The following CDCA7 variants were observed in gnomAD, a reference collection of about 807,000 sequenced individuals.
CDCA7 encodes cell division cycle associated 7.
A neutral mutation model predicts 54.0 loss-of-function variants in CDCA7; 28 were observed. The observed-to-expected ratio is 0.52, with a 90% confidence interval of 0.38 to 0.71. CDCA7 has a LOEUF of 0.71. CDCA7 is among the 30% of genes least tolerant of loss of function. CDCA7 has a pLI of 0.00. For missense variants in CDCA7, 484 were observed against 586.0 expected, an observed-to-expected ratio of 0.83 and a Z score of 1.80; for synonymous variants, 180 against 208.2, an observed-to-expected ratio of 0.86 and a Z score of 1.16.
In CDCA7 at chr2:173,368,985, C is replaced by T. The variant is rs528909189; in HGVS notation, c.*1321C>T. ...TATTTAAATAAAAGGCCATTTCCAC[C>T]TTTTCTAAAAAAGTCTCCCTTTTGA... On this transcript the variant is annotated 3_prime_UTR_variant, in exon 10 of 10. Coordinates refer to ENST00000306721, the MANE Select transcript of CDCA7 (RefSeq NM_031942.5). 22 of 152,176 alleles carry T rather than the reference C, an allele frequency of 1.4e-4. No homozygotes were observed. The highest frequency in any genetic ancestry group is 5.3e-4 in the African/African-American group (22 of 41,522). 9.4% of individuals were successfully genotyped at this position (152,176 alleles called of 1,614,324 possible).
At chr2:173,356,407 A>G in intron 1 of CDCA7, among the ~76,000 whole-genome samples, 1 of 152,290 alleles carries the variant, frequency 6.6e-6, no homozygotes, top group South Asian at 2.1e-4. Flanking sequence ...TGCGATGAAC[A>G]CTGCTGCTTA....
At chr2:173,355,777 G>A (rs1686490749) in intron 1 of CDCA7, among the ~76,000 whole-genome samples, 2 of 151,906 alleles carry the variant, frequency 1.3e-5, no homozygotes, top group African/African-American at 4.8e-5. Flanking sequence ...CGGGCTCCTG[G>A]AGAGGGTAGA....
chr2:173,366,187 CCTATA>C lies in CDCA7; in HGVS notation c.1036-92_1036-88del, dbSNP rs1266360965. On this transcript the variant is annotated intron_variant, in intron 7 of 9. Transcript: ENST00000306721. This position sits in a 1 kb window ranked among gnomAD's most constrained non-coding sequence, Gnocchi z 4.5. ...TAGAGATTCATAGACAAAATGTAAG[CCTATA>C]CTACGAAGAGGGACATTCTGTAAAT... The C allele has an allele frequency of 2.3e-5, 32 of 1,378,008 alleles. No individual in the cohort carries two copies. The East Asian group carries it at 7.2e-4, about 31-fold the overall frequency. The allele number at this position is 1,378,008 out of a possible 1,614,324, so 85.4% of individuals were successfully genotyped here.
At position 173,366,308 on chromosome 2, in the gene CDCA7, AG is replaced by A; in HGVS notation, c.1062del (p.Lys355ArgfsTer72). The A allele has an allele frequency of 6.2e-7, 1 of 1,613,724 alleles. No individual in the cohort carries two copies. The highest frequency in any genetic ancestry group is 8.5e-7 in the Non-Finnish European group (1 of 1,179,934). On this transcript the variant is annotated frameshift_variant, in exon 8 of 10. Transcript: ENST00000306721. LOFTEE classifies it high-confidence loss of function. The surrounding 1 kb of genome is among the most constrained non-coding windows in gnomAD (Gnocchi z 4.5). ...SLGSTCHQCRQKTIDTKTNCR... is the reference protein window; with the variant it reads ...SLGSTCHQCRXKTIDTKTNCR... ...GGCTCTACTTGTCATCAATGCCGTCAGAAGACTATTGATACCAAAACAAACT... is the reference window on the plus strand; with the variant it reads ...GGCTCTACTTGTCATCAATGCCGTCAAAGACTATTGATACCAAAACAAACT...
intron 3 of CDCA7, among the ~76,000 whole-genome samples, chr2:173,360,078 GCA>G (rs1369297461): frequency 6.6e-6 from 1 of 152,176 alleles, no homozygotes; most frequent in East Asian, 1.9e-4. Flanking sequence ...GCTTAATTCT[GCA>G]CACATTTTCC....
At chr2:173,355,014 C>A in intron 1 of CDCA7, 30 bp downstream of exon 1, 2 of 1,367,460 alleles carry the variant, frequency 1.5e-6, no homozygotes, top group South Asian at 1.8e-5. Flanking sequence ...ACCCGAGGGG[C>A]GGGCGCGGTG....
chr2:173,361,204 T>C (rs776977514), intron 3 of CDCA7, among the ~76,000 whole-genome samples: 17 of 152,188 alleles, frequency 1.1e-4, no homozygotes, highest in Non-Finnish European at 2.4e-4. Flanking sequence ...GATGGATAAG[T>C]GGGTTGTTTG....
rs771406171 is a variant in CDCA7 at position 173,367,671 on chromosome 2, G to A, written c.*7G>A. 29 of 1,613,930 alleles carry A rather than the reference G, an allele frequency of 1.8e-5. No homozygotes were observed. In the South Asian group the frequency reaches 3.0e-4, roughly 17 times the overall value. On this transcript the variant is annotated 3_prime_UTR_variant, in exon 10 of 10. Transcript: ENST00000306721. ...ATTTGAAATGCAAGCATAATATCTG[G>A]AAAATTTGCTGCCTGCCTTCTACTT... is the stretch of plus-strand genomic sequence containing the variant.
At chr2:173,355,007 C>T in intron 1 of CDCA7, 23 bp downstream of exon 1, 1 of 1,371,596 alleles carries the variant, frequency 7.3e-7, no homozygotes, top group Non-Finnish European at 9.3e-7. Flanking sequence ...CGGGCGAACC[C>T]GAGGGGCGGG....
intron 1 of CDCA7, among the ~76,000 whole-genome samples, chr2:173,355,582 G>A (rs1018412153): frequency 6.6e-6 from 1 of 152,202 alleles, no homozygotes; most frequent in Non-Finnish European, 1.5e-5. Context: ...AGTCCCGGGC[G>A]GTGGTTAAGT....
chr2:173,365,470 AGCCGTC>A lies in CDCA7; in HGVS notation c.916_921del (p.Arg306_Arg307del). 6.2e-7 allele frequency: 1 copy of A among 1,613,830 alleles called. No individual in the cohort carries two copies. The highest frequency in any genetic ancestry group is 8.5e-7 in the Non-Finnish European group (1 of 1,179,884). ...AATGCAGGAAGATGACCTGCCCAGAAGCCGTCGCTCCAGATCATCCGTGACCCTTCC... is the reference window on the plus strand; with the variant it reads ...AATGCAGGAAGATGACCTGCCCAGAAGCTCCAGATCATCCGTGACCCTTCC... On this transcript the variant is annotated inframe_deletion, in exon 7 of 10. Coordinates refer to ENST00000306721, the MANE Select transcript of CDCA7 (RefSeq NM_031942.5).
At position 173,362,644 on chromosome 2, in the gene CDCA7, C is replaced by T. The variant is rs1206584291; in HGVS notation, c.385-582C>T. Among the ~76,000 whole-genome samples, 6 of 150,302 alleles carry T rather than the reference C, an allele frequency of 4.0e-5. No homozygotes were observed. In the South Asian group the frequency reaches 1.1e-3, roughly 26 times the overall value. On this transcript the variant is annotated intron_variant, in intron 3 of 9. Coordinates refer to ENST00000306721, the MANE Select transcript of CDCA7 (RefSeq NM_031942.5). ...GCCCTGGCATACAGTGGCACGAACA[C>T]GGCTCACTGAGCCTCTGCCCCCTGG...
intron 3 of CDCA7, among the ~76,000 whole-genome samples, chr2:173,362,543 T>C (rs1264559912): frequency 1.3e-5 from 2 of 151,382 alleles, no homozygotes; most frequent in Non-Finnish European, 2.9e-5. Flanking sequence ...CCATAAACAT[T>C]GAAGCCATAT....
intron 1 of CDCA7, 87 bp from the exon 2 acceptor site, chr2:173,358,625 T>G (rs1686558489): frequency 6.9e-7 from 1 of 1,447,044 alleles, no homozygotes; most frequent in Non-Finnish European, 9.4e-7. Context: ...TCTGTGCTGT[T>G]TGAACCTACT....
chr2:173,363,356 A>G lies in CDCA7; in HGVS notation c.515A>G (p.Gln172Arg). The change falls in exon 4 of 10, where the codon CAG becomes CGG. Residue 172 changes from glutamine (Q) to arginine (R), a missense_variant. Gln to Arg is a conservative substitution (Grantham distance 43). This residue lies in a region of CDCA7 where 398 missense variants were observed against 447.4 expected (regional missense o/e 0.89). Transcript: ENST00000306721. ...ACCAACAAAAAAGCAGAGTCCCGCC[A>G]GCCCTCAGAGAATTCTGTGACTGAT... ...GATNKKAESRQPSENSVTDSN... is the reference protein window; with the variant it reads ...GATNKKAESRRPSENSVTDSN... 6.2e-7 allele frequency: 1 copy of G among 1,614,206 alleles called. No homozygotes were observed. Among genetic ancestry groups the G allele is most frequent in the Non-Finnish European group, 8.5e-7 (1 of 1,180,038 alleles).
chr2:173,355,462 G>A (rs1686480483), intron 1 of CDCA7, among the ~76,000 whole-genome samples: 1 of 152,206 alleles, frequency 6.6e-6, no homozygotes, highest in African/African-American at 2.4e-5. Context: ...ACCCCGCCCG[G>A]CAAGAGACGC....
In CDCA7 at chr2:173,366,183, TA is replaced by T; in HGVS notation, c.1036-98del. On this transcript the variant is annotated intron_variant, in intron 7 of 9. Coordinates refer to ENST00000306721, the MANE Select transcript of CDCA7 (RefSeq NM_031942.5). The surrounding 1 kb of genome is among the most constrained non-coding windows in gnomAD (Gnocchi z 4.5). ...TATGTAGAGATTCATAGACAAAATG[TA>T]AGCCTATACTACGAAGAGGGACATT... 7.3e-7 allele frequency: 1 copy of T among 1,363,136 alleles called. No homozygotes were observed. The highest frequency in any genetic ancestry group is 1.0e-6 in the Non-Finnish European group (1 of 1,002,450). The allele number at this position is 1,363,136 out of a possible 1,614,324, so 84.4% of individuals were successfully genotyped here. A position where few individuals can be genotyped will look rare whatever the true frequency, so the allele number is the denominator to read the frequency against.
rs1343646618 is a variant in CDCA7 at position 173,363,216 on chromosome 2, T to C, written c.385-10T>C. On this transcript the variant is annotated splice_polypyrimidine_tract_variant and intron_variant, in intron 3 of 9. Coordinates refer to ENST00000306721, the MANE Select transcript of CDCA7 (RefSeq NM_031942.5). Reference sequence around the variant, plus strand: ...TGATCAAGTCCTAATGACTCAATTGTTGTGATTAGAGGCTGCAGTCAGTTC... The same window carrying C: ...TGATCAAGTCCTAATGACTCAATTGCTGTGATTAGAGGCTGCAGTCAGTTC... The C allele has an allele frequency of 6.2e-7, 1 of 1,613,484 alleles. No individual in the cohort carries two copies. The highest frequency in any genetic ancestry group is 1.3e-5 in the African/African-American group (1 of 75,038).
At chr2:173,364,144 T>C in intron 5 of CDCA7, 1 of 373,870 alleles carries the variant, frequency 2.7e-6, no homozygotes, top group Non-Finnish European at 4.7e-6. Flanking sequence ...CCAGCTAGAC[T>C]AAGCCCCTCA....
Sources: allele counts gnomAD v4.1 joint callset (sites outside exome capture counted in the v4.1 genomes callset), GRCh38; gene constraint gnomAD v4.1.1; regional missense constraint gnomAD v4.1.1; non-coding constraint Gnocchi (gnomAD v3.1); transcripts MANE v1.5; gene names NCBI Gene and HGNC (gene_info 2026-07-23, HGNC 2026-07-21).